The following RNF5 variants were observed in gnomAD, a reference collection of about 807,000 sequenced individuals.
RNF5 encodes ring finger protein 5, also known as E3 ubiquitin-protein ligase RNF5.
A neutral mutation model predicts 24.4 loss-of-function variants in RNF5; 16 were observed. The observed-to-expected ratio is 0.66, with a 90% CI of 0.44 to 1.00. The LOEUF (loss-of-function observed/expected upper bound fraction) is 1.00. Ranked by LOEUF, RNF5 falls within the 50% of genes least tolerant of loss-of-function variation. The pLI, the probability that RNF5 is intolerant of heterozygous loss-of-function variation, is 0.00. For synonymous variants in RNF5, 64 were observed against 88.5 expected (o/e 0.72, Z 1.55); for missense variants, 185 against 236.7 (o/e 0.78, Z 1.43).
At position 32,178,734 on chromosome 6, in the gene RNF5, A is replaced by G. The variant is rs974061785; in HGVS notation, c.140+83A>G. On this transcript the variant is annotated intron_variant, in intron 1 of 5. Coordinates refer to ENST00000375094, the MANE Select transcript of RNF5 (RefSeq NM_006913.4). Reference sequence around the variant, plus strand: ...TAGGAGCGAATAATCATACAGTCATACAGATAATCGGAGGGCACGTTCCCA... The same window carrying G: ...TAGGAGCGAATAATCATACAGTCATGCAGATAATCGGAGGGCACGTTCCCA... 4.3e-6 allele frequency: 6 copies of G among 1,410,108 alleles called. No homozygotes were observed. In the African/African-American group the frequency reaches 8.6e-5, roughly 20 times the overall value. The allele number at this position is 1,410,108 out of a possible 1,614,324, so 87.3% of individuals were successfully genotyped here. A position where few individuals can be genotyped will look rare whatever the true frequency, so the allele number is the denominator to read the frequency against.
rs374652403 is a variant in RNF5, at chr6:32,179,977, G to A, written c.328-32G>A. 3.0e-5 allele frequency: 49 copies of A among 1,614,142 alleles called. No individual in the cohort carries two copies. Among genetic ancestry groups the A allele is most frequent in the African/African-American group, 4.0e-5 (3 of 75,032 alleles). On this transcript the variant is annotated intron_variant, in intron 4 of 5. Transcript: ENST00000375094. This position sits in a 1 kb window ranked among gnomAD's most constrained non-coding sequence, Gnocchi z 5.4. ...GTGTCCCTTCCTTGACAGATTTGCCGGCTTCCTGTCTGACTTTTTCTGCCT... is the reference window on the plus strand; with the variant it reads ...GTGTCCCTTCCTTGACAGATTTGCCAGCTTCCTGTCTGACTTTTTCTGCCT...
At position 32,180,090 on chromosome 6, in the gene RNF5, G is replaced by A. The variant is rs750217083; in HGVS notation, c.409G>A (p.Val137Ile). ...TTTTCCCTTTGGCTTTTTCACCACC[G>A]TCTTCAATGCCCATGAGCCTTTCCG... Reference protein sequence around the residue: ...GAFPFGFFTTVFNAHEPFRRG... With the variant: ...GAFPFGFFTTIFNAHEPFRRG... The change falls in exon 5 of 6, where the codon GTC (valine) becomes ATC (isoleucine). Residue 137 changes from valine to isoleucine, a missense_variant. Transcript: ENST00000375094. 1.8e-5 allele frequency: 29 copies of A among 1,613,942 alleles called. No individual in the cohort carries two copies. Among genetic ancestry groups the A allele is most frequent in the Admixed American group, 3.3e-5 (2 of 60,002 alleles).
intron 1 of RNF5, 102 bp downstream of exon 1, chr6:32,178,753 G>C (rs1454296377): frequency 8.3e-7 from 1 of 1,198,144 alleles, no homozygotes; most frequent in African/African-American, 1.5e-5. Context: ...CGGAGGGCAC[G>C]TTCCCATAGG....
chr6:32,178,516 C>T lies in RNF5; in HGVS notation c.5C>T (p.Ala2Val), dbSNP rs1239731185. ...TGGGGCGAAACAAAACCGGCCATGG[C>T]AGCAGCGGAGGAGGAGGACGGGGGC... The part of the protein sequence containing the change: M[A>V]AAEEEDGGPE... Residue 2 changes from alanine (A) to valine (V), a missense_variant, in exon 1 of 6, where the codon GCA (alanine) becomes GTA (valine). Physicochemically the swap from Ala to Val is moderately conservative, Grantham distance 64 (BLOSUM62 0). Coordinates refer to ENST00000375094, the MANE Select transcript of RNF5 (RefSeq NM_006913.4). The T allele has an allele frequency of 1.7e-5, 27 of 1,599,746 alleles. No individual in the cohort carries two copies. Among genetic ancestry groups the T allele is most frequent in the Admixed American group, 8.5e-5 (5 of 59,072 alleles).
chr6:32,180,261 A>G lies in RNF5; in HGVS notation c.478A>G (p.Ser160Gly). ...TCTGGGACAGGGTCACCCAGCCTCC[A>G]GCTGGCAGGATTCCCTCTTCCTGTT... is the stretch of plus-strand genomic sequence containing the variant. ...VDLGQGHPASSWQDSLFLFLA... is the reference protein window; with the variant it reads ...VDLGQGHPASGWQDSLFLFLA... Residue 160 changes from serine (S) to glycine (G), a missense_variant, in exon 6 of 6, where the codon AGC (serine) becomes GGC (glycine). Ser to Gly is a moderately conservative substitution (Grantham distance 56). Transcript: ENST00000375094. The G allele has an allele frequency of 6.2e-7, 1 of 1,612,560 alleles. No individual in the cohort carries two copies. The highest frequency in any genetic ancestry group is 8.5e-7 in the Non-Finnish European group (1 of 1,180,012).
rs1785802545 is a variant in RNF5 at position 32,178,598 on chromosome 6, A to G, written c.87A>G (p.Ile29Met). Reference sequence around the variant, plus strand: ...CGGGCGCGACCTTCGAATGTAATATATGTTTGGAGACTGCTCGGGAAGCTG... The same window carrying G: ...CGGGCGCGACCTTCGAATGTAATATGTGTTTGGAGACTGCTCGGGAAGCTG... Reference protein sequence around the residue: ...GGAGATFECNICLETAREAVV... With the variant: ...GGAGATFECNMCLETAREAVV... Residue 29 changes from isoleucine to methionine, a missense_variant, in exon 1 of 6, where the codon ATA (isoleucine) becomes ATG (methionine). By Grantham distance (10) the Ile-to-Met change is conservative (BLOSUM62 1). Transcript: ENST00000375094. The G allele has an allele frequency of 1.9e-6, 3 of 1,610,084 alleles. No homozygotes were observed. Among genetic ancestry groups the G allele is most frequent in the Non-Finnish European group, 2.5e-6 (3 of 1,179,126 alleles).
Position 32,179,486 on chromosome 6 carries a change from T to C in RNF5, c.141-55T>C, listed in dbSNP as rs112036792. On this transcript the variant is annotated intron_variant, in intron 1 of 5. Transcript: ENST00000375094. The surrounding 1 kb of genome is among the most constrained non-coding windows in gnomAD (Gnocchi z 5.4). ...GGGATTCTGCGAAGTCTAGGGTCTG[T>C]GTCTCTCTTTTCTGTAGCTAGTTTG... 3.0e-5 allele frequency: 48 copies of C among 1,609,876 alleles called. No individual in the cohort carries two copies. The Middle Eastern group carries it at 1.7e-3, about 56-fold the overall frequency.
chr6:32,180,327 G>A lies in RNF5; in HGVS notation c.*1G>A, dbSNP rs776380702. ...CTTTTTTTGGCTGCTCAGTATTTGA[G>A]CTATGTCTGCTTCCTGCCCACCTCC... is the stretch of plus-strand genomic sequence containing the variant. On this transcript the variant is annotated 3_prime_UTR_variant, in exon 6 of 6. Coordinates refer to ENST00000375094, the MANE Select transcript of RNF5 (RefSeq NM_006913.4). The A allele has an allele frequency of 4.4e-6, 7 of 1,603,042 alleles. No homozygotes were observed. Among genetic ancestry groups the A allele is most frequent in the Admixed American group, 3.3e-5 (2 of 60,026 alleles).
In RNF5 at chr6:32,180,452, A is replaced by G. The variant is rs1318273406; in HGVS notation, c.*126A>G. ...CTGTTGGCTAAGGCCAGCCCTGGAC[A>G]TTGTCCAGGAAGGCCTGGGGAGGAG... is the stretch of plus-strand genomic sequence containing the variant. On this transcript the variant is annotated 3_prime_UTR_variant, in exon 6 of 6. Coordinates refer to ENST00000375094, the MANE Select transcript of RNF5 (RefSeq NM_006913.4). 4.7e-6 allele frequency: 4 copies of G among 854,530 alleles called. No homozygotes were observed. The highest frequency in any genetic ancestry group is 7.6e-6 in the Non-Finnish European group (4 of 525,382). 52.9% of individuals were successfully genotyped at this position (854,530 alleles called of 1,614,324 possible).
Position 32,180,055 on chromosome 6 carries a change from G to A in RNF5, c.374G>A (p.Gly125Asp), listed in dbSNP as rs762486403. The A allele has an allele frequency of 1.2e-6, 2 of 1,614,156 alleles. No homozygotes were observed. Among genetic ancestry groups the A allele is most frequent in the South Asian group, 2.2e-5 (2 of 91,082 alleles). The change falls in exon 5 of 6, where the codon GGT becomes GAT. Residue 125 changes from glycine to aspartate, a missense_variant. Coordinates refer to ENST00000375094, the MANE Select transcript of RNF5 (RefSeq NM_006913.4). ...ACCGGGGGCTTCCACTTCTCATTTG[G>A]TGTTGGTGCTTTTCCCTTTGGCTTT... ...GDTGGFHFSF[G>D]VGAFPFGFFT...
At chr6:32,178,684 G>T (rs752875872) in intron 1 of RNF5, 33 bp downstream of exon 1, 1 of 1,603,024 alleles carries the variant, frequency 6.2e-7, no homozygotes, top group Non-Finnish European at 8.5e-7. Flanking sequence ...GGAGGTGGTG[G>T]GTCTCGCTTA....
In RNF5 at chr6:32,178,558, G is replaced by A; in HGVS notation, c.47G>A (p.Arg16His). 3 of 1,609,734 alleles carry A rather than the reference G, an allele frequency of 1.9e-6. No homozygotes were observed. Among genetic ancestry groups the A allele is most frequent in the Non-Finnish European group, 1.7e-6 (2 of 1,178,882 alleles). ...EEDGGPEGPN[R>H]ERGGAGATFE... is the part of the protein sequence containing the mutation. ...GACGGGGGCCCCGAAGGGCCAAATC[G>A]CGAGCGGGGCGGGGCGGGCGCGACC... The change falls in exon 1 of 6, where the codon CGC (arginine) becomes CAC (histidine). Residue 16 changes from arginine to histidine, a missense_variant. Transcript: ENST00000375094.
rs1313385427 is a variant in RNF5, at chr6:32,179,925, C to G, written c.321C>G (p.Ser107Arg). 1.2e-6 allele frequency: 2 copies of G among 1,614,104 alleles called. No homozygotes were observed. The highest frequency in any genetic ancestry group is 1.7e-5 in the Admixed American group (1 of 60,006). Residue 107 changes from serine (S) to arginine (R), a missense_variant, in exon 4 of 6, where the codon AGC (serine) becomes AGG (arginine). Ser to Arg is a moderately radical substitution (Grantham distance 110). Transcript: ENST00000375094. This position sits in a 1 kb window ranked among gnomAD's most constrained non-coding sequence, Gnocchi z 5.4. ...RPQGQRPAPE[S>R]RGGFQPFGDT... is the part of the protein sequence containing the mutation. ...AGGGCCAGAGACCAGCTCCGGAGAG[C>G]AGAGGGGTGAGTCTTCTTGTCCAGT...
rs1402274000 is a variant in RNF5, at chr6:32,179,158, G to A, written c.141-383G>A. 6.6e-6 allele frequency among the ~76,000 whole-genome samples: 1 copy of A among 152,070 alleles called. No homozygotes were observed. Among genetic ancestry groups the A allele is most frequent in the Non-Finnish European group, 1.5e-5 (1 of 68,026 alleles). On this transcript the variant is annotated intron_variant, in intron 1 of 5. Transcript: ENST00000375094. This position sits in a 1 kb window ranked among gnomAD's most constrained non-coding sequence, Gnocchi z 5.4. ...TTGAGCTTGAAAGTGAGTAATGGGG[G>A]AATGTGCTAGTAAAGGGGTTTGGTT...
rs773642829 is a variant in RNF5 at position 32,178,612 on chromosome 6, C to T, written c.101C>T (p.Ala34Val). ...GAATGTAATATATGTTTGGAGACTG[C>T]TCGGGAAGCTGTGGTCAGTGTGTGT... ...TFECNICLET[A>V]REAVVSVCGH... is the part of the protein sequence containing the mutation. The change falls in exon 1 of 6, where the codon GCT becomes GTT. Residue 34 changes from alanine (A) to valine (V), a missense_variant. Physicochemically the swap from Ala to Val is moderately conservative, Grantham distance 64. Transcript: ENST00000375094. The T allele has an allele frequency of 6.2e-7, 1 of 1,611,516 alleles. No individual in the cohort carries two copies. The highest frequency in any genetic ancestry group is 1.3e-5 in the African/African-American group (1 of 74,834).
chr6:32,180,257 C>A lies in RNF5; in HGVS notation c.474C>A (p.Ala158=). The change falls in exon 6 of 6, where the codon GCC becomes GCA. Residue 158 remains alanine (A), a synonymous_variant. Coordinates refer to ENST00000375094, the MANE Select transcript of RNF5 (RefSeq NM_006913.4). ...TGVDLGQGHP[A]SSWQDSLFLF... is the part of the protein sequence containing the mutation. The stretch of plus-strand genomic sequence containing the variant: ...TGGATCTGGGACAGGGTCACCCAGC[C>A]TCCAGCTGGCAGGATTCCCTCTTCC... The A allele has an allele frequency of 6.2e-7, 1 of 1,612,288 alleles. No homozygotes were observed. The highest frequency in any genetic ancestry group is 8.5e-7 in the Non-Finnish European group (1 of 1,179,896).
chr6:32,180,160 C>T, intron 5 of RNF5, 34 bp downstream of exon 5: 1 of 1,608,022 alleles, frequency 6.2e-7, no homozygotes, highest in South Asian at 1.1e-5. Flanking sequence ...TCAGGGAGCC[C>T]TGTGAATCCC....
chr6:32,178,665 A>G lies in RNF5; in HGVS notation c.140+14A>G. The G allele has an allele frequency of 6.4e-7, 1 of 1,562,654 alleles. No homozygotes were observed. Among genetic ancestry groups the G allele is most frequent in the South Asian group, 1.1e-5 (1 of 89,664 alleles). On this transcript the variant is annotated intron_variant, in intron 1 of 5. Coordinates refer to ENST00000375094, the MANE Select transcript of RNF5 (RefSeq NM_006913.4). ...CCACCTGTACTGGTGAGAATCGAGG[A>G]GGGGGGCGGGAGGTGGTGGGTCTCG...
At position 32,180,100 on chromosome 6, in the gene RNF5, C is replaced by A; in HGVS notation, c.419C>A (p.Ala140Asp). ...GGCTTTTTCACCACCGTCTTCAATG[C>A]CCATGAGCCTTTCCGCCGGGGTACA... ...PFGFFTTVFN[A>D]HEPFRRGTGV... The change falls in exon 5 of 6, where the codon GCC becomes GAC. Residue 140 changes from alanine to aspartate, a missense_variant. By Grantham distance (126) the Ala-to-Asp change is moderately radical (BLOSUM62 -2). Transcript: ENST00000375094. The A allele has an allele frequency of 6.2e-7, 1 of 1,614,094 alleles. No homozygotes were observed. The highest frequency in any genetic ancestry group is 8.5e-7 in the Non-Finnish European group (1 of 1,180,022).
Sources: gnomAD v4.1 joint callset for allele counts (sites outside exome capture counted in the v4.1 genomes callset) on GRCh38, gnomAD v4.1.1 for gene constraint, Gnocchi (gnomAD v3.1) non-coding constraint, MANE v1.5 for transcripts, NCBI Gene and HGNC (gene_info 2026-07-23, HGNC 2026-07-21) for gene names.